The following MSRA variants were observed in gnomAD, a reference collection of about 807,000 sequenced individuals.
MSRA encodes methionine sulfoxide reductase A.
A neutral mutation model predicts 31.3 loss-of-function variants in MSRA; 54 were observed. The ratio of observed to expected loss-of-function variants is 1.73; its 90% CI spans 1.39 to 2.17. The LOEUF is 2.17. Ranked by LOEUF, MSRA falls within the 30% of genes most tolerant of loss-of-function variation. The pLI is 0.00. For missense variants in MSRA, 507 were observed against 300.9 expected (o/e 1.69, Z -5.07); for synonymous variants, 169 against 116.5 (o/e 1.45, Z -2.90).
At chr8:10,075,064 T>G (rs1162394664) in intron 1 of MSRA, among the ~76,000 whole-genome samples, 1 of 152,268 alleles carries the variant, frequency 6.6e-6, no homozygotes, top group Non-Finnish European at 1.5e-5. Flanking sequence ...TCTTTACTAC[T>G]CATTTGGTAT....
At chr8:10,205,119 G>A (rs980647083) in intron 1 of MSRA, among the ~76,000 whole-genome samples, 1 of 145,470 alleles carries the variant, frequency 6.9e-6, no homozygotes, top group African/African-American at 2.8e-5. Context: ...TGCCATGGAA[G>A]GGGAGGAGGG....
intron 5 of MSRA, among the ~76,000 whole-genome samples, chr8:10,321,287 C>G (rs897763709): frequency 5.9e-5 from 9 of 152,074 alleles, no homozygotes; most frequent in African/African-American, 2.2e-4. Flanking sequence ...TAAAGCTAAT[C>G]TATGTTAGAA....
At chr8:10,349,567 C>A (rs914678832) in intron 5 of MSRA, among the ~76,000 whole-genome samples, 8 of 152,226 alleles carry the variant, frequency 5.3e-5, no homozygotes, top group African/African-American at 1.9e-4. Context: ...GTCCCTTGAG[C>A]ACAGGTCTCT....
intron 5 of MSRA, among the ~76,000 whole-genome samples, chr8:10,356,270 A>T (rs1214865855): frequency 6.6e-6 from 1 of 152,234 alleles, no homozygotes; most frequent in African/African-American, 2.4e-5. Flanking sequence ...CCTTGAAAAA[A>T]GTTTGTTTTC....
chr8:10,164,117 C>A (rs1269191760), intron 1 of MSRA, among the ~76,000 whole-genome samples: 1 of 152,228 alleles, frequency 6.6e-6, no homozygotes, highest in Admixed American at 6.5e-5. Flanking sequence ...CGCATACTTA[C>A]ACAGCTAGCG....
intron 3 of MSRA, among the ~76,000 whole-genome samples, chr8:10,263,560 G>C (rs1321705063): frequency 6.6e-6 from 1 of 152,186 alleles, no homozygotes; most frequent in Admixed American, 6.5e-5. Flanking sequence ...CTTTGGCTTT[G>C]TTTTTAAACA....
intron 5 of MSRA, among the ~76,000 whole-genome samples, chr8:10,377,803 C>G (rs576202767): frequency 1.1e-3 from 169 of 152,336 alleles, no homozygotes; most frequent in Non-Finnish European, 2.2e-3. Flanking sequence ...TGAACAGCCA[C>G]GTGCTGGGTG....
chr8:10,403,058 C>G (rs1314170320), intron 5 of MSRA, among the ~76,000 whole-genome samples: 2 of 152,164 alleles, frequency 1.3e-5, no homozygotes, highest in Non-Finnish European at 2.9e-5. Flanking sequence ...TGACACCTGT[C>G]TTGGCTCTGG....
intron 3 of MSRA, among the ~76,000 whole-genome samples, chr8:10,280,624 G>C (rs144471149): frequency 6.6e-6 from 1 of 152,146 alleles, no homozygotes; most frequent in African/African-American, 2.4e-5. Flanking sequence ...TCCTTAAAAG[G>C]TTAAACATAG....
chr8:10,375,651 C>T (rs1384252785), intron 5 of MSRA, among the ~76,000 whole-genome samples: 1 of 152,174 alleles, frequency 6.6e-6, no homozygotes, highest in Non-Finnish European at 1.5e-5. Context: ...ATGGCAGTTC[C>T]TGGGTAAATA....
intron 1 of MSRA, among the ~76,000 whole-genome samples, chr8:10,055,021 C>T (rs1349062316): frequency 6.6e-6 from 1 of 152,224 alleles, no homozygotes; most frequent in Non-Finnish European, 1.5e-5. Flanking sequence ...TGTGCCTGCG[C>T]CCTCCTTTCT....
intron 2 of MSRA, among the ~76,000 whole-genome samples, chr8:10,219,359 C>G (rs1215830757): frequency 2.0e-5 from 3 of 152,058 alleles, no homozygotes; most frequent in Admixed American, 1.3e-4. Flanking sequence ...TTATCACTGC[C>G]AAATTTTTGG....
chr8:10,074,741 C>T lies in MSRA; in HGVS notation c.142+20083C>T, dbSNP rs376217882. On this transcript the variant is annotated intron_variant, in intron 1 of 5. Transcript: ENST00000317173. ...TAGTACGACGCCTCCTCACAGCAAC[C>T]TCTGCCTCCTGGGTTCAAGTGATTC... 4.6e-5 allele frequency among the ~76,000 whole-genome samples: 7 copies of T among 152,236 alleles called. No homozygotes were observed. The East Asian group carries it at 1.4e-3, about 29-fold the overall frequency.
intron 4 of MSRA, among the ~76,000 whole-genome samples, chr8:10,309,610 G>A (rs1801326173): frequency 6.6e-6 from 1 of 152,170 alleles, no homozygotes; most frequent in Non-Finnish European, 1.5e-5. Flanking sequence ...AGAAGGCTTG[G>A]TCTGGTTTGC....
At chr8:10,263,044 G>T (rs1798562425) in intron 3 of MSRA, among the ~76,000 whole-genome samples, 1 of 152,206 alleles carries the variant, frequency 6.6e-6, no homozygotes, top group Non-Finnish European at 1.5e-5. Context: ...TGATTGTCTT[G>T]TTTGTGTACC....
intron 3 of MSRA, among the ~76,000 whole-genome samples, chr8:10,271,335 C>T (rs1419855398): frequency 1.3e-5 from 2 of 152,066 alleles, no homozygotes; most frequent in East Asian, 3.9e-4. Flanking sequence ...GCTGATGTGG[C>T]TTCTTAAATA....
chr8:10,068,897 T>C (rs1192346867), intron 1 of MSRA, among the ~76,000 whole-genome samples: 2 of 152,250 alleles, frequency 1.3e-5, no homozygotes, highest in Admixed American at 6.5e-5. Flanking sequence ...CTTGAAAATA[T>C]TGAATCTACC....
intron 1 of MSRA, chr8:10,096,363 T>C (rs1362954360): frequency 2.0e-6 from 2 of 990,222 alleles, no homozygotes; most frequent in East Asian, 8.8e-5. Flanking sequence ...CTCTGAACCA[T>C]TTTTGGGAGG....
intron 2 of MSRA, among the ~76,000 whole-genome samples, chr8:10,217,819 T>A (rs1810126573): frequency 6.6e-6 from 1 of 152,238 alleles, no homozygotes; most frequent in Non-Finnish European, 1.5e-5. Flanking sequence ...TGTTGCCTCA[T>A]AAATGTTTTT....
Sources: allele counts gnomAD v4.1 joint callset (sites outside exome capture counted in the v4.1 genomes callset), GRCh38; gene constraint gnomAD v4.1.1; transcripts MANE v1.5; gene names NCBI Gene and HGNC (gene_info 2026-07-23, HGNC 2026-07-21).